The following DCDC1 variants were observed in gnomAD, a reference collection of about 807,000 sequenced individuals.
DCDC1 encodes the protein doublecortin domain containing 1.
A neutral mutation model predicts 178.3 loss-of-function variants in DCDC1; 200 were observed. That is an observed-to-expected ratio of 1.12 (90% confidence interval 1.00 to 1.26). The LOEUF (loss-of-function observed/expected upper bound fraction) is 1.26, where lower values mean the gene tolerates loss of function less well. Among genes scored for constraint, DCDC1 ranks in the 50% most tolerant of loss-of-function variants. The probability of loss-of-function intolerance (pLI) is 0.00; values close to 1 mark genes in which losing one functional copy is unlikely to be tolerated. For synonymous variants in DCDC1, 690 were observed against 604.8 expected (o/e 1.14, Z -2.07); for missense variants, 1,983 against 1,749.2 (o/e 1.13, Z -2.38).
Position 30,936,383 on chromosome 11 carries a change from T to C in DCDC1, c.2716-4431A>G, listed in dbSNP as rs561091047. On this transcript the variant is annotated intron_variant, in intron 21 of 38. Transcript: ENST00000684477. ...AGTTTCTATGATTAGTTTGGTGATA[T>C]GCTTTTTGAGAGTTTGATTTATTCT... 3.3e-5 allele frequency among the ~76,000 whole-genome samples: 5 copies of C among 152,312 alleles called. No homozygotes were observed. In the East Asian group the frequency reaches 7.7e-4, roughly 24 times the overall value.
At chr11:30,904,817 A>G in intron 31 of DCDC1, 144 bp downstream of exon 31, 1 of 897,730 alleles carries the variant, frequency 1.1e-6, no homozygotes, top group Non-Finnish European at 1.7e-6. Context: ...CTTTAAGTAA[A>G]CAGAGATCTT....
chr11:30,920,745 G>T (rs1052747428), intron 25 of DCDC1, 31 bp downstream of exon 25: 5 of 1,609,122 alleles, frequency 3.1e-6, no homozygotes, highest in Non-Finnish European at 4.2e-6. Flanking sequence ...AAAGCAGCCA[G>T]GTAGCTTTTC....
At chr11:31,252,929 C>T (rs1404705052) in intron 8 of DCDC1, among the ~76,000 whole-genome samples, 1 of 151,886 alleles carries the variant, frequency 6.6e-6, no homozygotes, top group African/African-American at 2.4e-5. Flanking sequence ...TTGGTGATCA[C>T]CAAAGGCCCT....
chr11:31,281,494 TC>T (rs1946428190), intron 7 of DCDC1, among the ~76,000 whole-genome samples: 1 of 152,130 alleles, frequency 6.6e-6, no homozygotes, highest in Non-Finnish European at 1.5e-5. Context: ...CAAATTCCTC[TC>T]CAATACCTAC....
At position 30,903,519 on chromosome 11, in the gene DCDC1, A is replaced by T. The variant is rs1393110990; in HGVS notation, c.4473T>A (p.Pro1491=). ...DSEKQKQDAA[P]VGKEQIIVES... ...CAACAATTATCTGTTCTTTTCCAAC[A>T]GGAGCTGCATCTTGCTTTTGTTTCT... The change falls in exon 32 of 39, where the codon CCT becomes CCA. Residue 1491 remains proline, a synonymous_variant. Coordinates refer to ENST00000684477, the MANE Select transcript of DCDC1 (RefSeq NM_001387274.1). 6.2e-7 allele frequency: 1 copy of T among 1,603,670 alleles called. No individual in the cohort carries two copies. The highest frequency in any genetic ancestry group is 1.7e-5 in the Admixed American group (1 of 58,578).
intron 3 of DCDC1, among the ~76,000 whole-genome samples, chr11:31,310,095 T>A (rs1339736887): frequency 6.6e-6 from 1 of 152,126 alleles, no homozygotes; most frequent in East Asian, 1.9e-4. Flanking sequence ...ATTATAGATT[T>A]ACCCAGTGAA....
chr11:30,900,949 T>C (rs1944620401), intron 32 of DCDC1, among the ~76,000 whole-genome samples: 1 of 152,144 alleles, frequency 6.6e-6, no homozygotes, highest in Admixed American at 6.6e-5. Context: ...AGAAATAGTG[T>C]TTGGTCTATT....
At chr11:31,156,508 A>G (rs935241438) in intron 9 of DCDC1, among the ~76,000 whole-genome samples, 2 of 152,106 alleles carry the variant, frequency 1.3e-5, no homozygotes, top group Non-Finnish European at 2.9e-5. Context: ...GAAACAGGTA[A>G]AATTTATTTT....
chr11:30,980,725 G>T (rs965985994), intron 20 of DCDC1, among the ~76,000 whole-genome samples: 1 of 152,132 alleles, frequency 6.6e-6, no homozygotes, highest in Non-Finnish European at 1.5e-5. Flanking sequence ...AATAAAATAT[G>T]CCAGTGAAAG....
intron 29 of DCDC1, among the ~76,000 whole-genome samples, chr11:30,907,268 T>C (rs1035181724): frequency 4.6e-5 from 7 of 152,094 alleles, no homozygotes; most frequent in African/African-American, 1.7e-4. Flanking sequence ...TCGGAGACTG[T>C]TGGAAGTAAA....
intron 20 of DCDC1, among the ~76,000 whole-genome samples, chr11:31,020,320 T>C (rs538359867): frequency 1.3e-5 from 2 of 152,312 alleles, no homozygotes; most frequent in Non-Finnish European, 2.9e-5. Flanking sequence ...ATTGTCAATG[T>C]TGATTTCCCA....
intron 6 of DCDC1, among the ~76,000 whole-genome samples, chr11:31,296,026 C>T (rs1947659216): frequency 6.6e-6 from 1 of 152,116 alleles, no homozygotes; most frequent in African/African-American, 2.4e-5. Flanking sequence ...TCAATTTTAT[C>T]ATTACCTAAA....
At chr11:31,105,139 C>T (rs1472292472) in intron 13 of DCDC1, among the ~76,000 whole-genome samples, 1 of 151,960 alleles carries the variant, frequency 6.6e-6, no homozygotes, top group East Asian at 1.9e-4. Flanking sequence ...TTAAACATTC[C>T]TATGGTAGCA....
intron 20 of DCDC1, among the ~76,000 whole-genome samples, chr11:31,013,621 A>G (rs1250445212): frequency 1.3e-5 from 2 of 152,218 alleles, no homozygotes; most frequent in Admixed American, 1.3e-4. Context: ...GTAAGAGAAT[A>G]TTATTGAAAA....
At chr11:31,227,909 AGAG>A (rs1252528903) in intron 9 of DCDC1, among the ~76,000 whole-genome samples, 3 of 152,106 alleles carry the variant, frequency 2.0e-5, no homozygotes, top group African/African-American at 7.2e-5. Context: ...CCAGGAATAA[AGAG>A]GAACATTTCA....
chr11:30,912,046 T>G (rs1945483310), intron 27 of DCDC1, among the ~76,000 whole-genome samples: 1 of 152,118 alleles, frequency 6.6e-6, no homozygotes, highest in African/African-American at 2.4e-5. Flanking sequence ...GTTAATGGAT[T>G]AATAGGTCAT....
chr11:31,122,265 T>C (rs1960922507), intron 11 of DCDC1, among the ~76,000 whole-genome samples: 1 of 152,164 alleles, frequency 6.6e-6, no homozygotes, highest in Non-Finnish European at 1.5e-5. Context: ...TTCTAAGATA[T>C]AAGTATAGAG....
At chr11:31,231,252 T>A (rs951188056) in intron 9 of DCDC1, among the ~76,000 whole-genome samples, 1 of 152,128 alleles carries the variant, frequency 6.6e-6, no homozygotes, top group African/African-American at 2.4e-5. Flanking sequence ...AAAGCTTACA[T>A]CCTTCCTTTT....
chr11:30,975,362 C>T (rs1398615214), intron 20 of DCDC1, among the ~76,000 whole-genome samples: 2 of 151,874 alleles, frequency 1.3e-5, no homozygotes, highest in South Asian at 2.1e-4. Context: ...TACTGGAAGT[C>T]CTAGCCAGAG....
Sources: allele counts gnomAD v4.1 joint callset (sites outside exome capture counted in the v4.1 genomes callset), GRCh38; gene constraint gnomAD v4.1.1; transcripts MANE v1.5; gene names NCBI Gene and HGNC (gene_info 2026-07-23, HGNC 2026-07-21).